Variants in PHLPP1 observed in about 807,000 individuals in gnomAD.
PHLPP1 encodes PH domain and leucine rich repeat protein phosphatase 1.
PHLPP1 carries 42 observed loss-of-function variants against 117.2 expected under a neutral mutation model. That is an observed-to-expected ratio of 0.36 (90% confidence interval 0.28 to 0.46). PHLPP1 has a LOEUF of 0.46. Ranked by LOEUF, PHLPP1 falls within the 20% of genes least tolerant of loss-of-function variation. The pLI is 1.00. For missense variants in PHLPP1, 2,084 were observed against 2,241.9 expected (o/e 0.93, Z 1.42); for synonymous variants, 1,042 against 970.7 (o/e 1.07, Z -1.37).
intron 3 of PHLPP1, among the ~76,000 whole-genome samples, chr18:62,845,151 T>TC (rs1830423671): frequency 6.6e-6 from 1 of 152,134 alleles, no homozygotes; most frequent in Non-Finnish European, 1.5e-5. Flanking sequence ...CATGGTAAAT[T>TC]CAGGCCTCCT....
intron 10 of PHLPP1, among the ~76,000 whole-genome samples, chr18:62,933,086 A>G (rs1033984559): frequency 6.6e-5 from 10 of 152,206 alleles, no homozygotes; most frequent in African/African-American, 1.7e-4. Flanking sequence ...AAGGAGAACT[A>G]TAAGACACTG....
chr18:62,835,773 G>GTTTT (rs1568132510), intron 2 of PHLPP1, among the ~76,000 whole-genome samples: 1 of 137,874 alleles, frequency 7.3e-6, no homozygotes, highest in Non-Finnish European at 1.6e-5. Flanking sequence ...AATTCAACTG[G>GTTTT]TTCTTTTTTT....
intron 1 of PHLPP1, among the ~76,000 whole-genome samples, chr18:62,810,563 A>G (rs890113226): frequency 2.0e-5 from 3 of 152,212 alleles, no homozygotes; most frequent in African/African-American, 4.8e-5. Context: ...AACAATAACT[A>G]AGAATAAAAT....
At chr18:62,872,096 A>G (rs1915919624) in intron 4 of PHLPP1, among the ~76,000 whole-genome samples, 1 of 152,226 alleles carries the variant, frequency 6.6e-6, no homozygotes, top group Non-Finnish European at 1.5e-5. Flanking sequence ...AAATGGACAT[A>G]AGGCATTAGC....
intron 1 of PHLPP1, among the ~76,000 whole-genome samples, chr18:62,790,287 G>A (rs1913419912): frequency 6.6e-6 from 1 of 152,158 alleles, no homozygotes; most frequent in African/African-American, 2.4e-5. Flanking sequence ...AAAACACGTG[G>A]GAGGAGGTAT....
At chr18:62,883,784 C>T (rs1916222622) in intron 4 of PHLPP1, among the ~76,000 whole-genome samples, 1 of 152,154 alleles carries the variant, frequency 6.6e-6, no homozygotes, top group Non-Finnish European at 1.5e-5. Flanking sequence ...GTAACACCTC[C>T]AGCAGGGTTT....
At chr18:62,736,972 A>T (rs147791530) in intron 1 of PHLPP1, among the ~76,000 whole-genome samples, 1 of 152,236 alleles carries the variant, frequency 6.6e-6, no homozygotes, top group African/African-American at 2.4e-5. Flanking sequence ...TATGTATTAC[A>T]TTTATGAAGC....
At chr18:62,856,541 C>T (rs954456486) in intron 3 of PHLPP1, among the ~76,000 whole-genome samples, 1 of 152,184 alleles carries the variant, frequency 6.6e-6, no homozygotes, top group South Asian at 2.1e-4. Flanking sequence ...GGTCCGTCCA[C>T]CTCAGCCTCC....
chr18:62,809,012 A>C (rs1398396320), intron 1 of PHLPP1, among the ~76,000 whole-genome samples: 1 of 152,174 alleles, frequency 6.6e-6, no homozygotes, highest in Non-Finnish European at 1.5e-5. Flanking sequence ...AGGTATAGAG[A>C]TGCTCATGTA....
intron 4 of PHLPP1, among the ~76,000 whole-genome samples, chr18:62,868,537 G>A (rs1250102381): frequency 6.6e-6 from 1 of 150,850 alleles, no homozygotes; most frequent in Non-Finnish European, 1.5e-5. Context: ...CAAGAGAATC[G>A]CTTGAACCTG....
chr18:62,881,705 A>G (rs1019198030), intron 4 of PHLPP1, among the ~76,000 whole-genome samples: 9 of 152,228 alleles, frequency 5.9e-5, no homozygotes, highest in African/African-American at 1.7e-4. Context: ...CTCACTGGGA[A>G]CAAGGCTGGT....
intron 6 of PHLPP1, among the ~76,000 whole-genome samples, chr18:62,899,058 C>T (rs1276701461): frequency 6.6e-6 from 1 of 152,060 alleles, no homozygotes; most frequent in African/African-American, 2.4e-5. Context: ...CTTCGGCCTC[C>T]CAAAGTGCTG....
At chr18:62,975,777 G>A (rs1487915631) in intron 16 of PHLPP1, among the ~76,000 whole-genome samples, 152 bp downstream of exon 16, 1 of 152,228 alleles carries the variant, frequency 6.6e-6, no homozygotes, top group Non-Finnish European at 1.5e-5. Flanking sequence ...TCACAAAGCA[G>A]ATGTCTTACA....
intron 4 of PHLPP1, among the ~76,000 whole-genome samples, chr18:62,885,961 A>G (rs909597486): frequency 3.3e-5 from 5 of 152,188 alleles, no homozygotes; most frequent in African/African-American, 1.2e-4. Context: ...TCTCAATAGC[A>G]GTTTGAAGTT....
At chr18:62,939,020 C>T (rs1257935057) in intron 10 of PHLPP1, among the ~76,000 whole-genome samples, 14 of 129,844 alleles carry the variant, frequency 1.1e-4, no homozygotes, top group Non-Finnish European at 2.1e-4. Context: ...GCCGGAGTTT[C>T]GCTCTTGTTG....
At chr18:62,847,786 C>T (rs1279523161) in intron 3 of PHLPP1, among the ~76,000 whole-genome samples, 1 of 152,190 alleles carries the variant, frequency 6.6e-6, no homozygotes, top group Non-Finnish European at 1.5e-5. Context: ...TCACACCATC[C>T]CACCCATGTC....
At chr18:62,812,716 C>CT (rs67924353) in intron 1 of PHLPP1, among the ~76,000 whole-genome samples, 53 of 146,174 alleles carry the variant, frequency 3.6e-4, no homozygotes, top group South Asian at 6.5e-4. Context: ...TGCCTGTGAC[C>CT]TTTTTTTTTT....
At chr18:62,847,091 A>T (rs1915200785) in intron 3 of PHLPP1, among the ~76,000 whole-genome samples, 2 of 152,246 alleles carry the variant, frequency 1.3e-5, no homozygotes, top group South Asian at 4.1e-4. Context: ...TAGTTTGCTT[A>T]TCGTCTCATA....
chr18:62,966,561 C>T (rs1459843388), intron 14 of PHLPP1, among the ~76,000 whole-genome samples: 1 of 150,864 alleles, frequency 6.6e-6, no homozygotes, highest in East Asian at 1.9e-4. Context: ...AGCTCCACCT[C>T]CCGGGTTCAC....
Sources: allele counts gnomAD v4.1 joint callset (sites outside exome capture counted in the v4.1 genomes callset), GRCh38; gene constraint gnomAD v4.1.1; transcripts MANE v1.5; gene names NCBI Gene and HGNC (gene_info 2026-07-23, HGNC 2026-07-21).